PCDHB13: variants seen among roughly 807,000 people sequenced by gnomAD.
PCDHB13 encodes protocadherin beta-13.
For synonymous variants in PCDHB13, 515 were observed against 450.7 expected, an observed-to-expected ratio of 1.14 and a Z score of -1.81; for missense variants, 1,065 against 1,016.7, an observed-to-expected ratio of 1.05 and a Z score of -0.65.
Position 141,215,568 on chromosome 5 carries a change from C to G in PCDHB13, c.1445C>G (p.Thr482Ser). The change falls in exon 1 of 1, where the codon ACC becomes AGC. Residue 482 changes from threonine (T) to serine (S), a missense_variant. Transcript: ENST00000341948. ...AGCGCTACAGACAGAGACTCAGGCA[C>G]CAACGCCCAGGTCACCTACTCGCTG... ...SVSATDRDSG[T>S]NAQVTYSLLP... is the part of the protein sequence containing the mutation. 7 of 1,613,624 alleles carry G rather than the reference C, an allele frequency of 4.3e-6. No individual in the cohort carries two copies. The highest frequency in any genetic ancestry group is 4.2e-6 in the Non-Finnish European group (5 of 1,179,982).
chr5:141,214,689 G>A lies in PCDHB13; in HGVS notation c.566G>A (p.Gly189Asp), dbSNP rs370395249. 1.4e-5 allele frequency: 23 copies of A among 1,613,954 alleles called. No homozygotes were observed. The highest frequency in any genetic ancestry group is 2.2e-5 in the East Asian group (1 of 44,874). Residue 189 changes from glycine (G) to aspartate (D), a missense_variant, in exon 1 of 1, where the codon GGC becomes GAC. Coordinates refer to ENST00000341948, the MANE Select transcript of PCDHB13 (RefSeq NM_018933.4). Reference protein sequence around the residue: ...FRVLTRKRSDGRKYPELVLDK... With the variant: ...FRVLTRKRSDDRKYPELVLDK... ...GTCCTCACCCGCAAACGCAGTGATG[G>A]CAGGAAATACCCAGAGCTGGTGCTG...
In PCDHB13 at chr5:141,215,494, C is replaced by T. The variant is rs1409902564; in HGVS notation, c.1371C>T (p.Thr457=). The stretch of plus-strand genomic sequence containing the variant: ...CCGCCTTCACCCAAACCTCCTACAC[C>T]CTGTTCGTCCGCGAGAACAACAGCC... ...NAPAFTQTSY[T]LFVRENNSPA... is the part of the protein sequence containing the mutation. The change falls in exon 1 of 1, where the codon ACC becomes ACT. Residue 457 remains threonine (T), a synonymous_variant. Transcript: ENST00000341948. 5.0e-6 allele frequency: 8 copies of T among 1,614,096 alleles called. No homozygotes were observed. The South Asian group carries it at 7.7e-5, about 16-fold the overall frequency.
In PCDHB13 at chr5:141,215,651, A is replaced by G. The variant is rs200402594; in HGVS notation, c.1528A>G (p.Asn510Asp). The stretch of plus-strand genomic sequence containing the variant: ...ATCCCTGGTCTCCATCAACGCGGAC[A>G]ACGGCCACCTGTTCGCCCTCAGGTC... ...LTSLVSINADNGHLFALRSLD... is the reference protein window; with the variant it reads ...LTSLVSINADDGHLFALRSLD... The change falls in exon 1 of 1, where the codon AAC becomes GAC. Residue 510 changes from asparagine (N) to aspartate (D), a missense_variant. Asn to Asp is a conservative substitution (Grantham distance 23, BLOSUM62 1). Transcript: ENST00000341948. 2.5e-6 allele frequency: 4 copies of G among 1,613,486 alleles called. No homozygotes were observed. In the Admixed American group the frequency reaches 5.0e-5, roughly 20 times the overall value.
In PCDHB13 at chr5:141,215,738, C is replaced by A; in HGVS notation, c.1615C>A (p.Pro539Thr). 1 of 1,612,100 alleles carries A rather than the reference C, an allele frequency of 6.2e-7. No individual in the cohort carries two copies. The highest frequency in any genetic ancestry group is 2.2e-5 in the East Asian group (1 of 44,884). The change falls in exon 1 of 1, where the codon CCG becomes ACG. Residue 539 changes from proline to threonine, a missense_variant. Coordinates refer to ENST00000341948, the MANE Select transcript of PCDHB13 (RefSeq NM_018933.4). ...FRVGASDHGS[P>T]ALSSEALVRV... is the part of the protein sequence containing the mutation. ...CGTGGGCGCTTCAGACCACGGCTCC[C>A]CGGCGCTGAGCAGCGAGGCGCTGGT...
At position 141,216,145 on chromosome 5, in the gene PCDHB13, G is replaced by C. The variant is rs61739278; in HGVS notation, c.2022G>C (p.Pro674=). 1 of 1,611,282 alleles carries C rather than the reference G, an allele frequency of 6.2e-7. No homozygotes were observed. The highest frequency in any genetic ancestry group is 8.5e-7 in the Non-Finnish European group (1 of 1,179,794). Residue 674 remains proline (P), a synonymous_variant, in exon 1 of 1, where the codon CCG becomes CCC. Transcript: ENST00000341948. The part of the protein sequence containing the change: ...DGFSQPYLPL[P]EAAPTQAQAD... ...TCTCCCAGCCCTACCTGCCTCTCCC[G>C]GAGGCGGCCCCGACCCAGGCCCAGG...
At position 141,215,289 on chromosome 5, in the gene PCDHB13, A is replaced by T; in HGVS notation, c.1166A>T (p.Asp389Val). The T allele has an allele frequency of 6.2e-7, 1 of 1,614,094 alleles. No homozygotes were observed. Among genetic ancestry groups the T allele is most frequent in the African/African-American group, 1.3e-5 (1 of 74,992 alleles). The change falls in exon 1 of 1, where the codon GAT (aspartate) becomes GTT (valine). Residue 389 changes from aspartate to valine, a missense_variant. Asp to Val is a radical substitution (Grantham distance 152). Transcript: ENST00000341948. ...AAAATTAGTTGCTCCATTCAGGAGG[A>T]TCTACCCTTCCTCCTGAAATCCGCG... ...NGKISCSIQE[D>V]LPFLLKSAEN...
At position 141,215,783 on chromosome 5, in the gene PCDHB13, G is replaced by C. The variant is rs17844613; in HGVS notation, c.1660G>C (p.Ala554Pro). 6.2e-7 allele frequency: 1 copy of C among 1,611,700 alleles called. No individual in the cohort carries two copies. Among genetic ancestry groups the C allele is most frequent in the Admixed American group, 1.7e-5 (1 of 59,996 alleles). Residue 554 changes from alanine (A) to proline (P), a missense_variant, in exon 1 of 1, where the codon GCC becomes CCC. By Grantham distance (27) the Ala-to-Pro change is conservative. Coordinates refer to ENST00000341948, the MANE Select transcript of PCDHB13 (RefSeq NM_018933.4). ...GCTGGTGCGCGTGGTGGTGCTGGAC[G>C]CCAACGACAACTCGCCCTTCGTGCT... is the stretch of plus-strand genomic sequence containing the variant. ...EALVRVVVLD[A>P]NDNSPFVLYP...
rs1754637196 is a variant in PCDHB13 at position 141,217,164 on chromosome 5, A to G, written c.*644A>G. On this transcript the variant is annotated 3_prime_UTR_variant, in exon 1 of 1. Coordinates refer to ENST00000341948, the MANE Select transcript of PCDHB13 (RefSeq NM_018933.4). ...ACAGAATCTGGGAATATGAAGCTATAATTTTTTAATTAATGTCACAAAGCT... is the reference window on the plus strand; with the variant it reads ...ACAGAATCTGGGAATATGAAGCTATGATTTTTTAATTAATGTCACAAAGCT... The G allele has an allele frequency of 6.0e-6, 1 of 167,336 alleles. No individual in the cohort carries two copies. Among genetic ancestry groups the G allele is most frequent in the African/African-American group, 2.4e-5 (1 of 41,438 alleles). 10.4% of individuals were successfully genotyped at this position (167,336 alleles called of 1,614,324 possible). A position where few individuals can be genotyped will look rare whatever the true frequency, so the allele number is the denominator to read the frequency against.
At position 141,215,659 on chromosome 5, in the gene PCDHB13, C is replaced by T. The variant is rs782703086; in HGVS notation, c.1536C>T (p.His512=). ...TCTCCATCAACGCGGACAACGGCCA[C>T]CTGTTCGCCCTCAGGTCTCTGGACT... is the stretch of plus-strand genomic sequence containing the variant. ...SLVSINADNG[H]LFALRSLDYE... is the part of the protein sequence containing the mutation. Residue 512 remains histidine (H), a synonymous_variant, in exon 1 of 1, where the codon CAC becomes CAT. Transcript: ENST00000341948. 8.7e-6 allele frequency: 14 copies of T among 1,613,290 alleles called. No individual in the cohort carries two copies. In the South Asian group the frequency reaches 1.5e-4, roughly 18 times the overall value.
chr5:141,216,605 T>A lies in PCDHB13; in HGVS notation c.*85T>A. 1 of 1,143,584 alleles carries A rather than the reference T, an allele frequency of 8.7e-7. No individual in the cohort carries two copies. 70.8% of individuals were successfully genotyped at this position (1,143,584 alleles called of 1,614,324 possible). ...TTATTTCCCCCAATTTGTGTGTATG[T>A]AATATTGTACGGATTTACTCTTGAT... is the stretch of plus-strand genomic sequence containing the variant. On this transcript the variant is annotated 3_prime_UTR_variant, in exon 1 of 1. Coordinates refer to ENST00000341948, the MANE Select transcript of PCDHB13 (RefSeq NM_018933.4).
Position 141,216,913 on chromosome 5 carries a change from C to T in PCDHB13, c.*393C>T, listed in dbSNP as rs1397305452. On this transcript the variant is annotated 3_prime_UTR_variant, in exon 1 of 1. Coordinates refer to ENST00000341948, the MANE Select transcript of PCDHB13 (RefSeq NM_018933.4). ...TCTTTTTTTAGTCTTAAAATAATGACTCCTATTCAGACATATCATTTTTCT... is the reference window on the plus strand; with the variant it reads ...TCTTTTTTTAGTCTTAAAATAATGATTCCTATTCAGACATATCATTTTTCT... The T allele has an allele frequency of 3.3e-6, 1 of 301,016 alleles. No homozygotes were observed. Among genetic ancestry groups the T allele is most frequent in the Admixed American group, 5.2e-5 (1 of 19,326 alleles). 18.6% of individuals were successfully genotyped at this position (301,016 alleles called of 1,614,324 possible). A position where few individuals can be genotyped will look rare whatever the true frequency, so the allele number is the denominator to read the frequency against.
chr5:141,216,992 C>A lies in PCDHB13; in HGVS notation c.*472C>A. 4.0e-6 allele frequency: 1 copy of A among 250,568 alleles called. No homozygotes were observed. Among genetic ancestry groups the A allele is most frequent in the Non-Finnish European group, 8.2e-6 (1 of 122,372 alleles). The allele number at this position is 250,568 out of a possible 1,614,324, so 15.5% of individuals were successfully genotyped here. Reference sequence around the variant, plus strand: ...AACCTTTAAATATGCTTTTTGCTTTCAAAAATAAACCAGAAAACCTATATC... The same window carrying A: ...AACCTTTAAATATGCTTTTTGCTTTAAAAAATAAACCAGAAAACCTATATC... On this transcript the variant is annotated 3_prime_UTR_variant, in exon 1 of 1. Coordinates refer to ENST00000341948, the MANE Select transcript of PCDHB13 (RefSeq NM_018933.4).
rs1754630409 is a variant in PCDHB13, at chr5:141,216,923, G to A, written c.*403G>A. 3.8e-6 allele frequency: 1 copy of A among 260,088 alleles called. No individual in the cohort carries two copies. The highest frequency in any genetic ancestry group is 2.4e-5 in the African/African-American group (1 of 42,276). 16.1% of individuals were successfully genotyped at this position (260,088 alleles called of 1,614,324 possible). The stretch of plus-strand genomic sequence containing the variant: ...GTCTTAAAATAATGACTCCTATTCA[G>A]ACATATCATTTTTCTTTTTTGTAAA... On this transcript the variant is annotated 3_prime_UTR_variant, in exon 1 of 1. Transcript: ENST00000341948.
In PCDHB13 at chr5:141,213,983, G is replaced by A. The variant is rs1754513357; in HGVS notation, c.-141G>A. The A allele has an allele frequency of 1.6e-6, 1 of 626,202 alleles. No individual in the cohort carries two copies. The highest frequency in any genetic ancestry group is 2.7e-5 in the East Asian group (1 of 36,378). The allele number at this position is 626,202 out of a possible 1,614,324, so 38.8% of individuals were successfully genotyped here. On this transcript the variant is annotated 5_prime_UTR_variant, in exon 1 of 1. Coordinates refer to ENST00000341948, the MANE Select transcript of PCDHB13 (RefSeq NM_018933.4). Reference sequence around the variant, plus strand: ...GTCCACGGGGAGCTTGGATGCCAAAGGGAGGACGGCTGGGTCCTCTGGAGA... The same window carrying A: ...GTCCACGGGGAGCTTGGATGCCAAAAGGAGGACGGCTGGGTCCTCTGGAGA...
In PCDHB13 at chr5:141,215,767, C is replaced by T. The variant is rs138065651; in HGVS notation, c.1644C>T (p.Arg548=). 2 of 1,611,888 alleles carry T rather than the reference C, an allele frequency of 1.2e-6. No individual in the cohort carries two copies. Among genetic ancestry groups the T allele is most frequent in the South Asian group, 1.1e-5 (1 of 90,980 alleles). The change falls in exon 1 of 1, where the codon CGC becomes CGT. Residue 548 remains arginine, a synonymous_variant. Transcript: ENST00000341948. Reference sequence around the variant, plus strand: ...CGCTGAGCAGCGAGGCGCTGGTGCGCGTGGTGGTGCTGGACGCCAACGACA... The same window carrying T: ...CGCTGAGCAGCGAGGCGCTGGTGCGTGTGGTGGTGCTGGACGCCAACGACA... ...SPALSSEALV[R]VVVLDANDNS...
Position 141,215,575 on chromosome 5 carries a change from C to T in PCDHB13, c.1452C>T (p.Ala484=), listed in dbSNP as rs1427518596. ...CAGACAGAGACTCAGGCACCAACGCCCAGGTCACCTACTCGCTGCTGCCGC... is the reference window on the plus strand; with the variant it reads ...CAGACAGAGACTCAGGCACCAACGCTCAGGTCACCTACTCGCTGCTGCCGC... ...SATDRDSGTN[A]QVTYSLLPPQ... Residue 484 remains alanine (A), a synonymous_variant, in exon 1 of 1, where the codon GCC becomes GCT. Coordinates refer to ENST00000341948, the MANE Select transcript of PCDHB13 (RefSeq NM_018933.4). 5.6e-6 allele frequency: 9 copies of T among 1,613,584 alleles called. No individual in the cohort carries two copies. The highest frequency in any genetic ancestry group is 6.8e-6 in the Non-Finnish European group (8 of 1,179,992).
Position 141,216,263 on chromosome 5 carries a change from T to G in PCDHB13, c.2140T>G (p.Cys714Gly), listed in dbSNP as rs199580863. The G allele has an allele frequency of 1.7e-3, 2,812 of 1,613,642 alleles. 4 individuals are homozygous for G. Among genetic ancestry groups the G allele is most frequent in the Non-Finnish European group, 2.2e-3 (2,650 of 1,179,938 alleles). ...SVLLFVAVRL[C>G]RRSRAASVGR... ...GCTCCTGTTCGTGGCGGTGCGGCTG[T>G]GTAGGAGGAGCAGGGCGGCCTCGGT... Residue 714 changes from cysteine to glycine, a missense_variant, in exon 1 of 1, where the codon TGT (cysteine) becomes GGT (glycine). Transcript: ENST00000341948.
Position 141,216,307 on chromosome 5 carries a change from C to G in PCDHB13, c.2184C>G (p.Pro728=), listed in dbSNP as rs782381185. 1.9e-6 allele frequency: 3 copies of G among 1,613,742 alleles called. No individual in the cohort carries two copies. Among genetic ancestry groups the G allele is most frequent in the East Asian group, 2.2e-5 (1 of 44,868 alleles). ...RAASVGRCLV[P]EGPLPGHLVD... ...CCTCGGTGGGTCGCTGCTTGGTGCC[C>G]GAGGGCCCCCTTCCAGGGCATCTTG... is the stretch of plus-strand genomic sequence containing the variant. The change falls in exon 1 of 1, where the codon CCC becomes CCG. Residue 728 remains proline (P), a synonymous_variant. Coordinates refer to ENST00000341948, the MANE Select transcript of PCDHB13 (RefSeq NM_018933.4).
chr5:141,215,401 G>C lies in PCDHB13; in HGVS notation c.1278G>C (p.Leu426Phe), dbSNP rs146896252. The change falls in exon 1 of 1, where the codon TTG becomes TTC. Residue 426 changes from leucine to phenylalanine, a missense_variant. Physicochemically the swap from Leu to Phe is conservative, Grantham distance 22. Transcript: ENST00000341948. Reference protein sequence around the residue: ...EYNITITVTDLGTPMLITQLN... With the variant: ...EYNITITVTDFGTPMLITQLN... ...ACATCACTATCACTGTCACTGACTT[G>C]GGGACCCCTATGCTGATAACACAGC... 5.0e-5 allele frequency: 80 copies of C among 1,614,092 alleles called. No homozygotes were observed. In the African/African-American group the frequency reaches 8.1e-4, roughly 16 times the overall value.
Sources: gnomAD v4.1 joint callset for allele counts on GRCh38, gnomAD v4.1.1 for gene constraint, MANE v1.5 for transcripts, NCBI Gene and HGNC (gene_info 2026-07-23, HGNC 2026-07-21) for gene names.